Variants in SELENOF observed in about 807,000 individuals in gnomAD.
The protein encoded by SELENOF is 15 kDa selenoprotein.
A neutral mutation model predicts 20.5 loss-of-function variants in SELENOF; 16 were observed. The observed-to-expected ratio is 0.78, with a 90% CI of 0.53 to 1.19. The LOEUF is 1.19. Ranked by LOEUF, SELENOF falls within the 50% of genes most tolerant of loss-of-function variation. The pLI is 0.00. For missense variants in SELENOF, 215 were observed against 194.2 expected (o/e 1.11, Z -0.64); for synonymous variants, 78 against 74.5 (o/e 1.05, Z -0.24).
intron 2 of SELENOF, among the ~76,000 whole-genome samples, chr1:86,894,564 G>A (rs1044621583): frequency 6.6e-6 from 1 of 152,118 alleles, no homozygotes; most frequent in South Asian, 2.1e-4. Flanking sequence ...GGACAACTGG[G>A]TGTGTTGGTT....
intron 2 of SELENOF, among the ~76,000 whole-genome samples, chr1:86,897,461 A>C (rs1014009069): frequency 6.6e-6 from 1 of 152,136 alleles, no homozygotes; most frequent in African/African-American, 2.4e-5. Flanking sequence ...GGTTGGGGAG[A>C]AGTCTAAGAA....
chr1:86,900,575 G>A (rs1270560523), intron 2 of SELENOF, among the ~76,000 whole-genome samples: 6 of 152,152 alleles, frequency 3.9e-5, no homozygotes, highest in Middle Eastern at 3.4e-3. Flanking sequence ...GAGGGAGACC[G>A]TGGAAAGAGA....
intron 3 of SELENOF, among the ~76,000 whole-genome samples, chr1:86,872,504 G>A (rs1658801545): frequency 6.6e-6 from 1 of 151,362 alleles, no homozygotes. Context: ...GAGCAGCTGG[G>A]ATTACAGGCA....
intron 2 of SELENOF, among the ~76,000 whole-genome samples, chr1:86,892,441 C>T (rs1659414577): frequency 1.3e-5 from 2 of 152,176 alleles, no homozygotes; most frequent in Non-Finnish European, 1.5e-5. Flanking sequence ...AGACACACGA[C>T]AAAAGTGAAG....
At chr1:86,878,090 T>G (rs1264384440) in intron 3 of SELENOF, among the ~76,000 whole-genome samples, 1 of 152,176 alleles carries the variant, frequency 6.6e-6, no homozygotes, top group Non-Finnish European at 1.5e-5. Flanking sequence ...ATAGACAGCC[T>G]TCTATATTTA....
rs1453358932 is a variant in SELENOF, at chr1:86,862,792, A to G, written c.*682T>C. ...ACTTTTAAATGGACTTTTCTGTAAG[A>G]ATGTAAAACTCAAAAATTTGCCAAG... is the stretch of plus-strand genomic sequence containing the variant. On this transcript the variant is annotated 3_prime_UTR_variant, in exon 5 of 5. Coordinates refer to ENST00000331835, the MANE Select transcript of SELENOF (RefSeq NM_004261.5). The G allele has an allele frequency of 6.6e-6, 1 of 152,328 alleles. No individual in the cohort carries two copies. Among genetic ancestry groups the G allele is most frequent in the African/African-American group, 2.4e-5 (1 of 41,458 alleles). 9.4% of individuals were successfully genotyped at this position (152,328 alleles called of 1,614,324 possible). A position where few individuals can be genotyped will look rare whatever the true frequency, so the allele number is the denominator to read the frequency against.
At position 86,862,984 on chromosome 1, in the gene SELENOF, T is replaced by C. The variant is rs1227589697; in HGVS notation, c.*490A>G. ...ATTCATTGTAAACTATAAATAACAT[T>C]TGTATTAAAAAGAAAGCTGGGTAAT... On this transcript the variant is annotated 3_prime_UTR_variant, in exon 5 of 5. Transcript: ENST00000331835. 2.0e-5 allele frequency: 3 copies of C among 152,758 alleles called. No homozygotes were observed. Among genetic ancestry groups the C allele is most frequent in the Non-Finnish European group, 2.9e-5 (2 of 68,118 alleles). The allele number at this position is 152,758 out of a possible 1,614,324, so 9.5% of individuals were successfully genotyped here. A position where few individuals can be genotyped will look rare whatever the true frequency, so the allele number is the denominator to read the frequency against.
At chr1:86,894,667 T>C (rs78201248) in intron 2 of SELENOF, among the ~76,000 whole-genome samples, 3,332 of 152,164 alleles carry the variant, frequency 0.022, 43 homozygotes, top group South Asian at 0.054. Flanking sequence ...GGTGAGACCT[T>C]GTCTCTACAA....
chr1:86,879,761 C>G (rs1227120406), intron 3 of SELENOF, among the ~76,000 whole-genome samples: 1 of 152,192 alleles, frequency 6.6e-6, no homozygotes, highest in Non-Finnish European at 1.5e-5. Context: ...AGCCTTAGTT[C>G]AAGCCTTTCT....
chr1:86,881,154 G>A (rs1659057194), intron 2 of SELENOF, among the ~76,000 whole-genome samples: 1 of 152,008 alleles, frequency 6.6e-6, no homozygotes, highest in Admixed American at 6.6e-5. Flanking sequence ...TTAATATTAA[G>A]TGATCAAAGT....
intron 2 of SELENOF, among the ~76,000 whole-genome samples, chr1:86,881,838 C>T (rs761753969): frequency 3.3e-5 from 5 of 152,092 alleles, no homozygotes; most frequent in South Asian, 2.1e-4. Flanking sequence ...GATAGAATTT[C>T]GCTTTAATGC....
chr1:86,899,533 G>A (rs1465584832), intron 2 of SELENOF, among the ~76,000 whole-genome samples: 1 of 148,446 alleles, frequency 6.7e-6, no homozygotes, highest in Non-Finnish European at 1.5e-5. Context: ...GCGGCTGGCC[G>A]GGCGGGGGGC....
intron 3 of SELENOF, among the ~76,000 whole-genome samples, chr1:86,869,053 T>C (rs1658685588): frequency 6.6e-6 from 1 of 152,148 alleles, no homozygotes; most frequent in South Asian, 2.1e-4. Flanking sequence ...AATGAGGTAC[T>C]CACATTCGGA....
At chr1:86,906,954 T>G (rs1020902450) in intron 1 of SELENOF, among the ~76,000 whole-genome samples, 2 of 152,252 alleles carry the variant, frequency 1.3e-5, no homozygotes, top group Admixed American at 1.3e-4. Context: ...CGTATAAAAC[T>G]GTTACCAAAA....
chr1:86,874,228 C>CG (rs997686673), intron 3 of SELENOF, among the ~76,000 whole-genome samples: 23 of 152,080 alleles, frequency 1.5e-4, no homozygotes, highest in African/African-American at 5.6e-4. Flanking sequence ...CTCGGCCTCC[C>CG]AAAGTGGTGG....
rs2102142611 is a variant in SELENOF, at chr1:86,914,100, C to T, written c.12G>A (p.Met4Ile). Residue 4 changes from methionine (M) to isoleucine (I), a missense_variant, in exon 1 of 5, where the codon ATG becomes ATA. Coordinates refer to ENST00000331835, the MANE Select transcript of SELENOF (RefSeq NM_004261.5). Reference sequence around the variant, plus strand: ...CCAGACACCCACTCGGCCCAGCCGCCATCGCTACCATTTTCCGCAGGTTTC... The same window carrying T: ...CCAGACACCCACTCGGCCCAGCCGCTATCGCTACCATTTTCCGCAGGTTTC... MVA[M>I]AAGPSGCLVP... 1.2e-6 allele frequency: 2 copies of T among 1,614,020 alleles called. No homozygotes were observed. Among genetic ancestry groups the T allele is most frequent in the Non-Finnish European group, 1.7e-6 (2 of 1,179,888 alleles).
chr1:86,911,014 C>T (rs576222164), intron 1 of SELENOF, among the ~76,000 whole-genome samples: 70 of 152,336 alleles, frequency 4.6e-4, no homozygotes, highest in African/African-American at 1.5e-3. Context: ...TATAGTACTA[C>T]TCTGTATATG....
chr1:86,914,216 C>T, upstream of SELENOF: 1 of 944,082 alleles, frequency 1.1e-6, no homozygotes. Context: ...TTACATCTCT[C>T]ATTTGGAAGT....
chr1:86,863,557 T>C lies in SELENOF; in HGVS notation c.415A>G (p.Asn139Asp). The C allele has an allele frequency of 6.2e-7, 1 of 1,613,626 alleles. No homozygotes were observed. Among genetic ancestry groups the C allele is most frequent in the Non-Finnish European group, 8.5e-7 (1 of 1,179,624 alleles). ...AGAATGCTCAGTTCTTCAGCAATGT[T>C]CCCATTGTCGTCCAAAAGCTTTAAT... ...PVLKLLDDNG[N>D]IAEELSILKW... is the part of the protein sequence containing the mutation. Residue 139 changes from asparagine (N) to aspartate (D), a missense_variant, in exon 5 of 5, where the codon AAC (asparagine) becomes GAC (aspartate). Transcript: ENST00000331835.
Sources: gnomAD v4.1 joint callset for allele counts (sites outside exome capture counted in the v4.1 genomes callset) on GRCh38, gnomAD v4.1.1 for gene constraint, MANE v1.5 for transcripts, NCBI Gene and HGNC (gene_info 2026-07-23, HGNC 2026-07-21) for gene names.